The following TROAP variants were observed in gnomAD, a reference collection of about 807,000 sequenced individuals.
The protein encoded by TROAP is trophinin associated protein.
Under a neutral mutation model 83.4 loss-of-function variants are expected in TROAP, and 62 were observed. That is an observed-to-expected ratio of 0.74 (90% CI 0.61 to 0.92). TROAP has a LOEUF of 0.92. Ranked by LOEUF, TROAP falls within the 40% of genes least tolerant of loss-of-function variation. The pLI is 0.00. For synonymous variants in TROAP, 352 were observed against 386.4 expected, an observed-to-expected ratio of 0.91 and a Z score of 1.04; for missense variants, 876 against 985.1, an observed-to-expected ratio of 0.89 and a Z score of 1.48.
At chr12:49,326,618 C>T (rs200188423) in intron 6 of TROAP, 50 bp from the exon 7 acceptor site, 4 of 1,535,804 alleles carry the variant, frequency 2.6e-6, no homozygotes, top group East Asian at 2.5e-5. Flanking sequence ...ACATGTCCAG[C>T]TCATACTTGG....
intron 8 of TROAP, 40 bp from the exon 9 acceptor site, chr12:49,328,887 G>T: frequency 6.6e-7 from 1 of 1,506,876 alleles, no homozygotes. Flanking sequence ...GGAAGACAAA[G>T]GGGGCGGGGA....
At position 49,324,047 on chromosome 12, in the gene TROAP, G is replaced by A. The variant is rs745315061; in HGVS notation, c.337+10G>A. 2.5e-5 allele frequency: 40 copies of A among 1,612,328 alleles called. No individual in the cohort carries two copies. In the Middle Eastern group the frequency reaches 1.5e-3, roughly 60 times the overall value. On this transcript the variant is annotated intron_variant, in intron 3 of 14. Transcript: ENST00000257909. ...CCCCCTGCCCAGACAGGTACCTGTT[G>A]GAGCCATGGTAACACGGCCTCCATG...
chr12:49,330,321 T>C lies in TROAP; in HGVS notation c.1476T>C (p.Pro492=). Residue 492 remains proline (P), a synonymous_variant, in exon 13 of 15, where the codon CCT becomes CCC. Transcript: ENST00000257909. ...ATAACTCTGGGACTTCCCACCTTCC[T>C]GGACTGTTAAAACACTCAGGGCTGC... ...TEHNSGTSHL[P]GLLKHSGLPK... 1 of 1,614,142 alleles carries C rather than the reference T, an allele frequency of 6.2e-7. No individual in the cohort carries two copies. The highest frequency in any genetic ancestry group is 8.5e-7 in the Non-Finnish European group (1 of 1,179,990).
rs148280241 is a variant in TROAP, at chr12:49,323,903, C to A, written c.203C>A (p.Pro68His). Residue 68 changes from proline to histidine, a missense_variant, in exon 3 of 15, where the codon CCC becomes CAC. Pro to His is a moderately conservative substitution (Grantham distance 77). This residue lies in a region of TROAP where 689 missense variants were observed against 722.6 expected (regional missense o/e 0.95). Coordinates refer to ENST00000257909, the MANE Select transcript of TROAP (RefSeq NM_005480.4). Reference sequence around the variant, plus strand: ...CGCCCCCTCGTTGATTCAGCAGGCCCCAGGCCGAAAGCCAGGCACCAGGCA... The same window carrying A: ...CGCCCCCTCGTTGATTCAGCAGGCCACAGGCCGAAAGCCAGGCACCAGGCA... ...IQRPLVDSAG[P>H]RPKARHQAET... The A allele has an allele frequency of 2.7e-5, 44 of 1,613,970 alleles. No individual in the cohort carries two copies. The highest frequency in any genetic ancestry group is 3.6e-5 in the Non-Finnish European group (43 of 1,180,052).
In TROAP at chr12:49,329,047, C is replaced by G. The variant is rs1311896833; in HGVS notation, c.1012C>G (p.Pro338Ala). Reference sequence around the variant, plus strand: ...TCAGCGTGTACCCTCCCCAGGCCCTCCAACTCTGGTTTGTGTCAACAACTG... The same window carrying G: ...TCAGCGTGTACCCTCCCCAGGCCCTGCAACTCTGGTTTGTGTCAACAACTG... ...RAQRVPSPGP[P>A]TLTSYSVLRR... The change falls in exon 9 of 15, where the codon CCA becomes GCA. Residue 338 changes from proline (P) to alanine (A), a missense_variant. Physicochemically the swap from Pro to Ala is conservative, Grantham distance 27 (BLOSUM62 -1). Transcript: ENST00000257909. The surrounding 1 kb of genome is among the most constrained non-coding windows in gnomAD (Gnocchi z 4.5). 1.9e-6 allele frequency: 3 copies of G among 1,611,358 alleles called. No homozygotes were observed. The highest frequency in any genetic ancestry group is 2.5e-6 in the Non-Finnish European group (3 of 1,178,188).
intron 7 of TROAP, 44 bp from the exon 8 acceptor site, chr12:49,327,165 G>T (rs766091660): frequency 1.1e-5 from 17 of 1,608,982 alleles, no homozygotes; most frequent in Middle Eastern, 1.6e-4. Context: ...CCAAACTTTG[G>T]TGGGTGTTCT....
intron 7 of TROAP, 127 bp from the exon 8 acceptor site, chr12:49,327,082 G>T: frequency 8.5e-7 from 1 of 1,173,680 alleles, no homozygotes. Context: ...CTGCTGGATG[G>T]GTTCCTGTCC....
intron 8 of TROAP, among the ~76,000 whole-genome samples, chr12:49,328,557 G>A (rs1247365975): frequency 6.6e-6 from 1 of 152,014 alleles, no homozygotes; most frequent in African/African-American, 2.4e-5. Context: ...ACTGGCTGCT[G>A]TAGTGAGAAC....
At position 49,329,889 on chromosome 12, in the gene TROAP, G is replaced by C. The variant is rs1565671705; in HGVS notation, c.1197G>C (p.Glu399Asp). The change falls in exon 12 of 15, where the codon GAG (glutamate) becomes GAC (aspartate). Residue 399 changes from glutamate (E) to aspartate (D), a missense_variant. By Grantham distance (45) the Glu-to-Asp change is conservative. This residue lies in a region of TROAP where 689 missense variants were observed against 722.6 expected (regional missense o/e 0.95). Transcript: ENST00000257909. The surrounding 1 kb of genome is among the most constrained non-coding windows in gnomAD (Gnocchi z 4.5). The part of the protein sequence containing the change: ...EQVAVRLFDQ[E>D]SCIRSLEGSG... Reference sequence around the variant, plus strand: ...TTGCCGTCCGGTTGTTTGACCAGGAGAGTTGTATAAGGTCACTGGAGGGTT... The same window carrying C: ...TTGCCGTCCGGTTGTTTGACCAGGACAGTTGTATAAGGTCACTGGAGGGTT... The C allele has an allele frequency of 2.5e-6, 4 of 1,614,062 alleles. No individual in the cohort carries two copies. In the East Asian group the frequency reaches 8.9e-5, roughly 36 times the overall value.
In TROAP at chr12:49,325,562, T is replaced by C; in HGVS notation, c.399T>C (p.Gly133=). The stretch of plus-strand genomic sequence containing the variant: ...CAGCCCTGGCCACCATCCTGTCAGG[T>C]GAGGGTGTGAAGAGCTGTCACCTGG... ...DPAALATILS[G]EGVKSCHLGR... The change falls in exon 4 of 15, where the codon GGT becomes GGC. Residue 133 remains glycine, a synonymous_variant. Transcript: ENST00000257909. 3 of 1,613,402 alleles carry C rather than the reference T, an allele frequency of 1.9e-6. No individual in the cohort carries two copies. The highest frequency in any genetic ancestry group is 2.5e-6 in the Non-Finnish European group (3 of 1,179,840).
In TROAP at chr12:49,330,724, C is replaced by T. The variant is rs764803017; in HGVS notation, c.1879C>T (p.Gln627Ter). ...ACCCGGGCCCCTTCAGCCCAGCACC[C>T]AGGGGCAGTCTGGACCCCCAGGGCC... is the stretch of plus-strand genomic sequence containing the variant. ...AEPGPLQPSTQGQSGPPGPCP... is the reference protein window; with the variant it reads ...AEPGPLQPST Residue 627 changes from glutamine to a stop codon, truncating the protein, a stop_gained, in exon 13 of 15, where the codon CAG becomes TAG. Transcript: ENST00000257909. LOFTEE classifies it high-confidence loss of function. 1.2e-6 allele frequency: 2 copies of T among 1,614,088 alleles called. No individual in the cohort carries two copies. The highest frequency in any genetic ancestry group is 1.7e-6 in the Non-Finnish European group (2 of 1,179,986).
chr12:49,330,882 G>T lies in TROAP; in HGVS notation c.2037G>T (p.Pro679=), dbSNP rs199576676. 3 of 1,612,726 alleles carry T rather than the reference G, an allele frequency of 1.9e-6. No homozygotes were observed. The highest frequency in any genetic ancestry group is 1.1e-5 in the South Asian group (1 of 91,082). ...TTSLIFSSQH[P]LCASPPICSL... is the part of the protein sequence containing the mutation. ...GCCTGATCTTCTCTTCCCAACACCC[G>T]CTTTGTGCCAGCCCCCCTATCTGCT... Residue 679 remains proline, a synonymous_variant, in exon 13 of 15, where the codon CCG becomes CCT. Coordinates refer to ENST00000257909, the MANE Select transcript of TROAP (RefSeq NM_005480.4).
chr12:49,325,801 C>A lies in TROAP; in HGVS notation c.550C>A (p.Pro184Thr). Residue 184 changes from proline (P) to threonine (T), a missense_variant, in exon 5 of 15, where the codon CCT (proline) becomes ACT (threonine). Coordinates refer to ENST00000257909, the MANE Select transcript of TROAP (RefSeq NM_005480.4). ...CAGAACCCCCACCCACCGACTGGAC[C>A]CTGCCAGGGCTTCCTGCTTCTCTAG... Reference protein sequence around the residue: ...APRTPTHRLDPARASCFSRLE... With the variant: ...APRTPTHRLDTARASCFSRLE... The A allele has an allele frequency of 6.2e-7, 1 of 1,614,106 alleles. No homozygotes were observed.
chr12:49,325,438 A>G (rs187306169), intron 3 of TROAP, 63 bp from the exon 4 acceptor site: 1 of 1,525,004 alleles, frequency 6.6e-7, no homozygotes, highest in Non-Finnish European at 8.8e-7. Context: ...CAAAGTTCCT[A>G]TGCTAGGGGC....
At position 49,327,451 on chromosome 12, in the gene TROAP, G is replaced by A. The variant is rs60809196; in HGVS notation, c.891+121G>A. 10,531 of 1,413,572 alleles carry A rather than the reference G, an allele frequency of 7.4e-3. 393 individuals carry two copies. The African/African-American group carries it at 0.098, about 13-fold the overall frequency. 87.6% of individuals were successfully genotyped at this position (1,413,572 alleles called of 1,614,324 possible). The stretch of plus-strand genomic sequence containing the variant: ...GCCAGGAAGTCCTGGGCCTCAGGAT[G>A]TTACTGGGTAGGTTTACCCCAGATG... On this transcript the variant is annotated intron_variant, in intron 8 of 14. Transcript: ENST00000257909.
At position 49,329,455 on chromosome 12, in the gene TROAP, G is replaced by T. The variant is rs1407637403; in HGVS notation, c.1164+1G>T. On this transcript the variant is annotated splice_donor_variant, in intron 11 of 14. Transcript: ENST00000257909. LOFTEE classifies it high-confidence loss of function. This position sits in a 1 kb window ranked among gnomAD's most constrained non-coding sequence, Gnocchi z 4.5. ...CTCTGAAGATCCTGCCCTGCCCTGG[G>T]TAAGTATCAGAAGCTTCCCCCTACT... 3 of 1,608,016 alleles carry T rather than the reference G, an allele frequency of 1.9e-6. No individual in the cohort carries two copies. The highest frequency in any genetic ancestry group is 2.5e-6 in the Non-Finnish European group (3 of 1,176,712).
At chr12:49,328,590 C>T (rs535341947) in intron 8 of TROAP, among the ~76,000 whole-genome samples, 5 of 152,034 alleles carry the variant, frequency 3.3e-5, no homozygotes, top group South Asian at 2.1e-4. Context: ...GACAGCCAGG[C>T]GTGGTGGCTT....
At position 49,323,879 on chromosome 12, in the gene TROAP, G is replaced by T; in HGVS notation, c.179G>T (p.Arg60Leu). ...CAGAAACCACCGCTCAATATTCAACGCCCCCTCGTTGATTCAGCAGGCCCC... is the reference window on the plus strand; with the variant it reads ...CAGAAACCACCGCTCAATATTCAACTCCCCCTCGTTGATTCAGCAGGCCCC... Reference protein sequence around the residue: ...WVQKPPLNIQRPLVDSAGPRP... With the variant: ...WVQKPPLNIQLPLVDSAGPRP... Residue 60 changes from arginine to leucine, a missense_variant, in exon 3 of 15, where the codon CGC becomes CTC. By Grantham distance (102) the Arg-to-Leu change is moderately radical. Coordinates refer to ENST00000257909, the MANE Select transcript of TROAP (RefSeq NM_005480.4). 3 of 1,614,002 alleles carry T rather than the reference G, an allele frequency of 1.9e-6. No individual in the cohort carries two copies. Among genetic ancestry groups the T allele is most frequent in the Non-Finnish European group, 2.5e-6 (3 of 1,180,026 alleles).
intron 12 of TROAP, 32 bp from the exon 13 acceptor site, chr12:49,330,113 A>G (rs900401744): frequency 1.2e-6 from 2 of 1,608,904 alleles, no homozygotes; most frequent in African/African-American, 2.7e-5. Context: ...GCACATCTTG[A>G]TGTCACACTG....
Sources: allele counts gnomAD v4.1 joint callset (sites outside exome capture counted in the v4.1 genomes callset), GRCh38; gene constraint gnomAD v4.1.1; regional missense constraint gnomAD v4.1.1; non-coding constraint Gnocchi (gnomAD v3.1); transcripts MANE v1.5; gene names NCBI Gene and HGNC (gene_info 2026-07-23, HGNC 2026-07-21).